The following TRIM63 variants were observed in gnomAD, a reference collection of about 807,000 sequenced individuals.
The protein encoded by TRIM63 is tripartite motif containing 63, also known as E3 ubiquitin-protein ligase TRIM63.
A neutral mutation model predicts 46.0 loss-of-function variants in TRIM63; 48 were observed. That is an observed-to-expected ratio of 1.04 (90% confidence interval 0.83 to 1.33). TRIM63 has a LOEUF of 1.33. Ranked by LOEUF, TRIM63 falls within the 40% of genes most tolerant of loss-of-function variation. The pLI, the probability that TRIM63 is intolerant of heterozygous loss-of-function variation, is 0.00. For synonymous variants in TRIM63, 175 were observed against 162.8 expected (o/e 1.08, Z -0.57); for missense variants, 455 against 441.2 (o/e 1.03, Z -0.28).
chr1:26,067,608 C>T lies in TRIM63; in HGVS notation c.-114G>A. The T allele has an allele frequency of 4.1e-6, 5 of 1,212,810 alleles. No individual in the cohort carries two copies. Among genetic ancestry groups the T allele is most frequent in the Non-Finnish European group, 5.7e-6 (5 of 880,738 alleles). 75.1% of individuals were successfully genotyped at this position (1,212,810 alleles called of 1,614,324 possible). On this transcript the variant is annotated 5_prime_UTR_variant, in exon 1 of 9. Transcript: ENST00000374272. ...ACACCGGGTCGGATCCTGTTGGCTTCCTTCTCCTGGTGCCCGAATTCTGTC... is the reference window on the plus strand; with the variant it reads ...ACACCGGGTCGGATCCTGTTGGCTTTCTTCTCCTGGTGCCCGAATTCTGTC...
At chr1:26,053,126 TG>T (rs2050537080) in intron 8 of TRIM63, among the ~76,000 whole-genome samples, 1 of 152,044 alleles carries the variant, frequency 6.6e-6, no homozygotes, top group East Asian at 1.9e-4. Context: ...AAATTATTTT[TG>T]TAAAGACGAG....
intron 3 of TRIM63, among the ~76,000 whole-genome samples, chr1:26,060,962 G>C (rs551563461): frequency 6.6e-6 from 1 of 152,314 alleles, no homozygotes; most frequent in East Asian, 1.9e-4. Flanking sequence ...AGGTGCTCTC[G>C]AGTGGCTCTA....
intron 7 of TRIM63, among the ~76,000 whole-genome samples, 193 bp from the exon 8 acceptor site, chr1:26,054,157 G>C (rs1557570589): frequency 6.6e-6 from 1 of 152,214 alleles, no homozygotes; most frequent in East Asian, 1.9e-4. Context: ...CCCTGCTCCT[G>C]CAATCCCCCG....
rs549918640 is a variant in TRIM63 at position 26,063,446 on chromosome 1, C to T, written c.333-2112G>A. ...TCCTCTGAAGTTCTTAAATATGCCC[C>T]TTTCCAGGCTTGTCTTTTTGCATAG... On this transcript the variant is annotated intron_variant, in intron 2 of 8. Coordinates refer to ENST00000374272, the MANE Select transcript of TRIM63 (RefSeq NM_032588.4). 5.4e-4 allele frequency among the ~76,000 whole-genome samples: 82 copies of T among 152,338 alleles called. 1 individual carries two copies. The South Asian group carries it at 0.017, about 31-fold the overall frequency.
intron 2 of TRIM63, among the ~76,000 whole-genome samples, chr1:26,063,670 T>A (rs1245619599): frequency 6.6e-6 from 1 of 152,202 alleles, no homozygotes; most frequent in Non-Finnish European, 1.5e-5. Context: ...TCTCTTACAT[T>A]CATTTTTGTG....
Position 26,057,230 on chromosome 1 carries a change from C to T in TRIM63, c.952G>A (p.Ala318Thr), listed in dbSNP as rs763329035. The T allele has an allele frequency of 1.9e-6, 3 of 1,614,160 alleles. No individual in the cohort carries two copies. Among genetic ancestry groups the T allele is most frequent in the Non-Finnish European group, 2.5e-6 (3 of 1,180,022 alleles). ...GTCCCAAAGTCAATGGCTCTCAGGG[C>T]GTCTGCTATGTGCTCTAAATCCAAA... Reference protein sequence around the residue: ...FTLDLEHIADALRAIDFGTDE... With the variant: ...FTLDLEHIADTLRAIDFGTDE... The change falls in exon 7 of 9, where the codon GCC becomes ACC. Residue 318 changes from alanine to threonine, a missense_variant. Transcript: ENST00000374272.
At chr1:26,055,707 C>G (rs1407302495) in intron 7 of TRIM63, among the ~76,000 whole-genome samples, 1 of 152,042 alleles carries the variant, frequency 6.6e-6, no homozygotes, top group Non-Finnish European at 1.5e-5. Flanking sequence ...GACGGGGTTT[C>G]TCCGTGTTGG....
intron 3 of TRIM63, 31 bp from the exon 4 acceptor site, chr1:26,060,392 G>A: frequency 1.3e-6 from 2 of 1,578,556 alleles, no homozygotes; most frequent in Non-Finnish European, 1.7e-6. Context: ...CAGGAGAGGA[G>A]AGACACAAAT....
At chr1:26,065,084 C>T (rs1278892143) in intron 2 of TRIM63, among the ~76,000 whole-genome samples, 3 of 152,066 alleles carry the variant, frequency 2.0e-5, no homozygotes, top group South Asian at 4.1e-4. Context: ...AGTGCAGTGG[C>T]ACGATCTCTG....
chr1:26,059,618 C>T (rs368568773), intron 4 of TRIM63, among the ~76,000 whole-genome samples: 1 of 152,298 alleles, frequency 6.6e-6, no homozygotes, highest in East Asian at 1.9e-4. Context: ...TCCCCTCCTT[C>T]CTACCCTTCG....
chr1:26,061,674 T>G (rs1350210914), intron 2 of TRIM63, among the ~76,000 whole-genome samples: 1 of 152,180 alleles, frequency 6.6e-6, no homozygotes, highest in Non-Finnish European at 1.5e-5. Context: ...TGGAGATGTT[T>G]TAGAGAAGAG....
chr1:26,060,169 C>A (rs559933469), intron 4 of TRIM63, 97 bp downstream of exon 4: 17 of 1,131,024 alleles, frequency 1.5e-5, no homozygotes, highest in Non-Finnish European at 2.0e-5. Flanking sequence ...GCTCCGGGCC[C>A]CAACCTTTAG....
At chr1:26,058,753 GA>G in intron 4 of TRIM63, 130 bp from the exon 5 acceptor site, 1 of 716,298 alleles carries the variant, frequency 1.4e-6, no homozygotes, top group East Asian at 2.5e-5. Context: ...CCACACTACA[GA>G]AGAAGAAACA....
At chr1:26,065,709 T>C (rs1569748436) in intron 2 of TRIM63, among the ~76,000 whole-genome samples, 1 of 152,346 alleles carries the variant, frequency 6.6e-6, no homozygotes, top group East Asian at 1.9e-4. Flanking sequence ...CAGAGCTAGA[T>C]TGACTGGGTC....
intron 7 of TRIM63, 111 bp from the exon 8 acceptor site, chr1:26,054,075 G>A (rs1307102877): frequency 2.8e-6 from 2 of 713,446 alleles, no homozygotes; most frequent in South Asian, 2.1e-5. Flanking sequence ...TGCCCAGTCG[G>A]GTCAAACGGC....
chr1:26,060,729 A>G (rs1047670552), intron 3 of TRIM63, among the ~76,000 whole-genome samples: 4 of 152,194 alleles, frequency 2.6e-5, no homozygotes, highest in African/African-American at 7.2e-5. Context: ...GAGTATGGAA[A>G]GGGGGTGGCT....
chr1:26,059,265 AC>A (rs1295190667), intron 4 of TRIM63, among the ~76,000 whole-genome samples: 1 of 151,746 alleles, frequency 6.6e-6, no homozygotes, highest in Admixed American at 6.6e-5. Context: ...CTCATGATCC[AC>A]CCAGCTTGAC....
intron 7 of TRIM63, among the ~76,000 whole-genome samples, chr1:26,054,737 C>T (rs565930316): frequency 2.6e-5 from 4 of 152,170 alleles, no homozygotes; most frequent in Non-Finnish European, 2.9e-5. Context: ...GAGGCTGAGG[C>T]GGTCAGATCA....
chr1:26,058,400 G>T lies in TRIM63; in HGVS notation c.821C>A (p.Thr274Asn), dbSNP rs768980673. 14 of 1,613,892 alleles carry T rather than the reference G, an allele frequency of 8.7e-6. No individual in the cohort carries two copies. The highest frequency in any genetic ancestry group is 3.3e-5 in the Admixed American group (2 of 59,994). Residue 274 changes from threonine to asparagine, a missense_variant, in exon 5 of 9, where the codon ACC (threonine) becomes AAC (asparagine). By Grantham distance (65) the Thr-to-Asn change is moderately conservative. Coordinates refer to ENST00000374272, the MANE Select transcript of TRIM63 (RefSeq NM_032588.4). ...TCTAGTCCTGCTCACCAAGAGGAAG[G>T]TGGCTCCCCCAGGCTCGTCCAGGGA... is the stretch of plus-strand genomic sequence containing the variant. ...IQSLDEPGGA[T>N]FLLTAKQLIK...
Sources: allele counts gnomAD v4.1 joint callset (sites outside exome capture counted in the v4.1 genomes callset), GRCh38; gene constraint gnomAD v4.1.1; transcripts MANE v1.5; gene names NCBI Gene and HGNC (gene_info 2026-07-23, HGNC 2026-07-21).